The following MAP3K15 variants were observed in gnomAD, a reference collection of about 807,000 sequenced individuals.
The protein encoded by MAP3K15 is mitogen-activated protein kinase kinase kinase 15, also known as MAPK/ERK kinase kinase 15.
A neutral mutation model predicts 99.5 loss-of-function variants in MAP3K15; 124 were observed. The observed-to-expected ratio is 1.25, with a 90% CI of 1.08 to 1.45. The LOEUF (loss-of-function observed/expected upper bound fraction) is 1.45, where lower values mean the gene tolerates loss of function less well. Ranked by LOEUF, MAP3K15 falls within the 40% of genes most tolerant of loss-of-function variation. The pLI is 0.00. For missense variants in MAP3K15, 1,242 were observed against 1,079.7 expected (o/e 1.15, Z -2.11); for synonymous variants, 494 against 439.6 (o/e 1.12, Z -1.55).
chrX:19,424,242 A>G (rs1293789692), intron 9 of MAP3K15, among the ~76,000 whole-genome samples: 1 of 90,314 alleles, frequency 1.1e-5, no homozygotes, highest in Non-Finnish European at 2.0e-5. Context: ...ACACATATAT[A>G]TACATATATA....
chrX:19,392,400 C>T lies in MAP3K15; in HGVS notation c.2268G>A (p.Gln756=), dbSNP rs138904225. ...GAAGATACTTAAGGCCCTCCAGGAT[C>T]TGTTTGGTGTAAAACTTGATTGTCG... is the stretch of plus-strand genomic sequence containing the variant. The part of the protein sequence containing the change: ...KEPTIKFYTK[Q]ILEGLKYLHE... Residue 756 remains glutamine (Q), a synonymous_variant, in exon 17 of 29, where the codon CAG becomes CAA. Transcript: ENST00000338883. The T allele has an allele frequency of 6.6e-6, 8 of 1,208,705 alleles. No homozygotes were observed. In the African/African-American group the frequency reaches 1.2e-4, roughly 19 times the overall value.
Position 19,491,151 on chromosome X carries a change from C to A in MAP3K15, c.362-2184G>T, listed in dbSNP as rs901850462. 5.4e-5 allele frequency among the ~76,000 whole-genome samples: 6 copies of A among 111,752 alleles called. No individual in the cohort carries two copies. In the Admixed American group the frequency reaches 5.7e-4, roughly 11 times the overall value. On this transcript the variant is annotated intron_variant, in intron 1 of 28. Coordinates refer to ENST00000338883, the MANE Select transcript of MAP3K15 (RefSeq NM_001001671.4). ...GGCGCTGGGAACCTGAGGCCAAGTG[C>A]CACTAAGCCCCAGAGTGGGCCCTTT...
chrX:19,425,577 C>G lies in MAP3K15; in HGVS notation c.1393G>C (p.Ala465Pro), dbSNP rs1248580410. Residue 465 changes from alanine (A) to proline (P), a missense_variant, in exon 9 of 29, where the codon GCC becomes CCC. Physicochemically the swap from Ala to Pro is conservative, Grantham distance 27. Transcript: ENST00000338883. ...VSMLAHDVGK[A>P]VQAAERLFKL... ...AACAACCTCTCTGCTGCCTGGACGG[C>G]TTTCCCGACATCATGGGCCAGCATG... is the stretch of plus-strand genomic sequence containing the variant. 1 of 1,199,498 alleles carries G rather than the reference C, an allele frequency of 8.3e-7. No homozygotes were observed.
In MAP3K15 at chrX:19,402,947, T is replaced by C. The variant is rs747654542; in HGVS notation, c.1845-2284A>G. Among the ~76,000 whole-genome samples, 39 of 112,084 alleles carry C rather than the reference T, an allele frequency of 3.5e-4. No individual in the cohort carries two copies. The South Asian group carries it at 0.014, about 41-fold the overall frequency. On this transcript the variant is annotated intron_variant, in intron 13 of 28. Transcript: ENST00000338883. The stretch of plus-strand genomic sequence containing the variant: ...TCCCAAAGTGCTGGGATTACAGGTG[T>C]GGGCCACCGTGCCCAGCTATGAATA...
chrX:19,471,919 C>G (rs1056960025), intron 3 of MAP3K15, among the ~76,000 whole-genome samples: 1 of 111,576 alleles, frequency 9.0e-6, no homozygotes, highest in Admixed American at 9.5e-5. Context: ...CTAGCAGACC[C>G]ATCTTACAAA....
chrX:19,474,276 C>G (rs1249821068), intron 3 of MAP3K15, among the ~76,000 whole-genome samples: 1 of 111,102 alleles, frequency 9.0e-6, no homozygotes, highest in Admixed American at 9.6e-5. Flanking sequence ...CATCTCAACT[C>G]AAGCATAGCA....
intron 13 of MAP3K15, among the ~76,000 whole-genome samples, chrX:19,402,799 G>A (rs2063617829): frequency 1.8e-5 from 2 of 110,992 alleles, no homozygotes; most frequent in Admixed American, 1.9e-4. Context: ...CAAGTAGCTG[G>A]GACTGGAGGC....
chrX:19,388,235 C>T (rs1350595702), intron 18 of MAP3K15, among the ~76,000 whole-genome samples: 1 of 112,222 alleles, frequency 8.9e-6, no homozygotes, highest in East Asian at 2.8e-4. Context: ...ATGCAACCTC[C>T]GCCTCCCGGC....
chrX:19,497,765 A>T (rs2064416434), intron 1 of MAP3K15: 1 of 111,518 alleles, frequency 9.0e-6, no homozygotes, highest in African/African-American at 3.3e-5. Flanking sequence ...GTGCATTAGT[A>T]AGCATTGTCG....
chrX:19,450,060 T>C (rs1392536080), intron 6 of MAP3K15, among the ~76,000 whole-genome samples: 2 of 109,467 alleles, frequency 1.8e-5, no homozygotes, highest in East Asian at 5.6e-4. Flanking sequence ...TCACATTTTA[T>C]AAATGGGGAC....
chrX:19,368,809 G>T, intron 25 of MAP3K15, among the ~76,000 whole-genome samples: 1 of 109,237 alleles, frequency 9.2e-6, no homozygotes, highest in Non-Finnish European at 1.9e-5. Context: ...GTGGTCTGGG[G>T]CAAGGTACTA....
intron 3 of MAP3K15, among the ~76,000 whole-genome samples, chrX:19,469,862 C>T (rs2064195418): frequency 9.2e-6 from 1 of 108,785 alleles, no homozygotes; most frequent in Admixed American, 9.8e-5. Context: ...TACCATCTCA[C>T]ACCAGTTAGA....
rs747680098 is a variant in MAP3K15 at position 19,360,803 on chromosome X, C to T, written c.3888G>A (p.Ala1296=). 65 of 1,207,190 alleles carry T rather than the reference C, an allele frequency of 5.4e-5. No homozygotes were observed. The highest frequency in any genetic ancestry group is 4.6e-4 in the Middle Eastern group (2 of 4,344). The stretch of plus-strand genomic sequence containing the variant: ...CCTGAGCCCTTCTGTACTGGGAGAC[C>T]GCACTCCAGAGTCTGCAGAGGAGAC... ...RGGLLCRLWS[A]VSQYRRAQEA... Residue 1296 remains alanine, a synonymous_variant, in exon 29 of 29, where the codon GCG becomes GCA. Transcript: ENST00000338883.
Position 19,483,863 on chromosome X carries a change from C to T in MAP3K15, c.525+2619G>A, listed in dbSNP as rs985978366. Among the ~76,000 whole-genome samples the T allele has an allele frequency of 2.7e-5, 3 of 111,877 alleles. No individual in the cohort carries two copies. In the Admixed American group the frequency reaches 2.8e-4, roughly 11 times the overall value. ...TCCCATCTGGAGTGGAAAAAGTAAA[C>T]GTCTCTTTTCTTTCAGAAAGAGGAT... On this transcript the variant is annotated intron_variant, in intron 3 of 28. Coordinates refer to ENST00000338883, the MANE Select transcript of MAP3K15 (RefSeq NM_001001671.4).
At chrX:19,374,737 C>T in intron 19 of MAP3K15, 77 bp from the exon 20 acceptor site, 1 of 931,812 alleles carries the variant, frequency 1.1e-6, no homozygotes, top group East Asian at 3.1e-5. Flanking sequence ...CAGTCCAAAG[C>T]TCCTGTACAC....
At chrX:19,477,520 G>A in intron 3 of MAP3K15, among the ~76,000 whole-genome samples, 4 of 108,456 alleles carry the variant, frequency 3.7e-5, no homozygotes, top group Non-Finnish European at 7.7e-5. Flanking sequence ...GACCAGCCTG[G>A]CCAACAGGGT....
At chrX:19,396,026 T>C (rs189685118) in intron 15 of MAP3K15, among the ~76,000 whole-genome samples, 1 of 111,949 alleles carries the variant, frequency 8.9e-6, no homozygotes, top group Non-Finnish European at 1.9e-5. Flanking sequence ...AGTTGATCTA[T>C]TTTTTCAAAC....
At chrX:19,418,484 A>T (rs765325686) in intron 9 of MAP3K15, among the ~76,000 whole-genome samples, 1 of 111,619 alleles carries the variant, frequency 9.0e-6, no homozygotes, top group South Asian at 3.8e-4. Context: ...AGAAGTTTAG[A>T]GAAAAAAAGA....
intron 6 of MAP3K15, among the ~76,000 whole-genome samples, chrX:19,447,037 T>A (rs1159671562): frequency 1.8e-5 from 2 of 110,890 alleles, no homozygotes; most frequent in African/African-American, 3.3e-5. Flanking sequence ...TGCCTCAGTC[T>A]CCTGAGTAGC....
Sources: allele counts gnomAD v4.1 joint callset (sites outside exome capture counted in the v4.1 genomes callset), GRCh38; gene constraint gnomAD v4.1.1; transcripts MANE v1.5; gene names NCBI Gene and HGNC (gene_info 2026-07-23, HGNC 2026-07-21).